FIG4: variants seen among roughly 807,000 people sequenced by gnomAD.
FIG4 encodes polyphosphoinositide phosphatase.
FIG4 carries 112 observed loss-of-function variants against 118.6 expected under a neutral mutation model. That is an observed-to-expected ratio of 0.94 (90% CI 0.81 to 1.11). FIG4 has a LOEUF of 1.11. FIG4 is among the 50% of genes least tolerant of loss of function. The pLI, the probability that FIG4 is intolerant of heterozygous loss-of-function variation, is 0.00. For synonymous variants in FIG4, 369 were observed against 381.2 expected (o/e 0.97, Z 0.37); for missense variants, 969 against 1,111.7 (o/e 0.87, Z 1.83).
chr6:109,773,199 G>T (rs911060114), intron 15 of FIG4, among the ~76,000 whole-genome samples: 1 of 152,090 alleles, frequency 6.6e-6, no homozygotes, highest in Non-Finnish European at 1.5e-5. Context: ...GCCTCTAAAG[G>T]ATTAATGTGA....
At chr6:109,757,899 A>G (rs1051853003) in intron 10 of FIG4, among the ~76,000 whole-genome samples, 3 of 152,180 alleles carry the variant, frequency 2.0e-5, no homozygotes, top group African/African-American at 4.8e-5. Flanking sequence ...AATACAACTT[A>G]AAAGGGATAT....
At chr6:109,724,116 G>T (rs563387936) in intron 3 of FIG4, among the ~76,000 whole-genome samples, 2 of 152,012 alleles carry the variant, frequency 1.3e-5, no homozygotes, top group East Asian at 3.9e-4. Context: ...AAGGCGGGGG[G>T]TGGGAGGAGG....
intron 1 of FIG4, among the ~76,000 whole-genome samples, chr6:109,701,121 G>A (rs1245833675): frequency 6.6e-6 from 1 of 152,218 alleles, no homozygotes; most frequent in Non-Finnish European, 1.5e-5. Flanking sequence ...TGTGTATAGA[G>A]GTGGATTTTG....
chr6:109,747,739 G>A (rs1776548443), intron 10 of FIG4, among the ~76,000 whole-genome samples: 1 of 152,172 alleles, frequency 6.6e-6, no homozygotes, highest in South Asian at 2.1e-4. Flanking sequence ...GTGATTTCAT[G>A]TACTTAAGAA....
chr6:109,760,188 T>A (rs1368295573), intron 10 of FIG4, 62 bp from the exon 11 acceptor site: 5 of 1,438,116 alleles, frequency 3.5e-6, no homozygotes, highest in Non-Finnish European at 4.9e-6. Context: ...AGTAAACATG[T>A]TGAGCCTGTT....
chr6:109,707,395 A>T (rs184955568), intron 1 of FIG4, among the ~76,000 whole-genome samples: 11 of 148,370 alleles, frequency 7.4e-5, no homozygotes, highest in African/African-American at 2.5e-4. Flanking sequence ...ACACATATGT[A>T]TACATACATA....
intron 5 of FIG4, among the ~76,000 whole-genome samples, chr6:109,733,676 G>C (rs1023638345): frequency 2.0e-5 from 3 of 151,922 alleles, no homozygotes; most frequent in Admixed American, 6.6e-5. Flanking sequence ...TGGAGTGAAG[G>C]GCTCCTAAAG....
At chr6:109,726,509 A>T (rs1775821715) in intron 3 of FIG4, among the ~76,000 whole-genome samples, 1 of 151,944 alleles carries the variant, frequency 6.6e-6, no homozygotes, top group African/African-American at 2.4e-5. Context: ...GTAGCCTTGT[A>T]GTATGGTTTG....
At chr6:109,731,401 G>A (rs1385160206) in intron 4 of FIG4, among the ~76,000 whole-genome samples, 2 of 152,180 alleles carry the variant, frequency 1.3e-5, no homozygotes, top group Non-Finnish European at 2.9e-5. Flanking sequence ...GCTCTTGGCA[G>A]CATTGTATCT....
intron 4 of FIG4, among the ~76,000 whole-genome samples, chr6:109,728,013 C>G (rs1350539925): frequency 2.0e-5 from 3 of 152,130 alleles, no homozygotes; most frequent in Non-Finnish European, 4.4e-5. Context: ...ACACAAAGAT[C>G]TAAAGGGCTT....
chr6:109,691,833 GTT>G (rs1156662425), intron 1 of FIG4, among the ~76,000 whole-genome samples: 1 of 152,192 alleles, frequency 6.6e-6, no homozygotes, highest in Non-Finnish European at 1.5e-5. Flanking sequence ...CAGAAAGTCT[GTT>G]AAAGTTCTAG....
At chr6:109,767,809 T>G (rs1370223957) in intron 15 of FIG4, among the ~76,000 whole-genome samples, 1 of 151,978 alleles carries the variant, frequency 6.6e-6, no homozygotes, top group Non-Finnish European at 1.5e-5. Context: ...GAGGCAGAGC[T>G]TGCAGCGAGC....
intron 5 of FIG4, 151 bp downstream of exon 5, chr6:109,732,838 C>A: frequency 1.8e-6 from 1 of 562,714 alleles, no homozygotes; most frequent in Non-Finnish European, 3.1e-6. Flanking sequence ...GCTATTTCTT[C>A]CTTTTAAAAA....
At chr6:109,770,951 TA>T (rs1400128813) in intron 15 of FIG4, among the ~76,000 whole-genome samples, 1 of 152,180 alleles carries the variant, frequency 6.6e-6, no homozygotes, top group Non-Finnish European at 1.5e-5. Context: ...GATAGTACTC[TA>T]AAGGACTGCC....
At chr6:109,699,794 G>A (rs967291377) in intron 1 of FIG4, among the ~76,000 whole-genome samples, 2 of 152,130 alleles carry the variant, frequency 1.3e-5, no homozygotes, top group Admixed American at 6.5e-5. Flanking sequence ...GTGAGCCACC[G>A]TGCCTGGCCT....
At chr6:109,733,743 G>A (rs912285976) in intron 5 of FIG4, among the ~76,000 whole-genome samples, 2 of 151,638 alleles carry the variant, frequency 1.3e-5, no homozygotes, top group Non-Finnish European at 2.9e-5. Context: ...TGTATTTTTC[G>A]CCATCTTCTA....
At chr6:109,716,334 T>A (rs1775429436) in intron 2 of FIG4, 111 bp from the exon 3 acceptor site, 1 of 1,069,254 alleles carries the variant, frequency 9.4e-7, no homozygotes, top group Non-Finnish European at 1.4e-6. Flanking sequence ...TATATACTTC[T>A]GTATGAAATA....
chr6:109,726,065 T>C (rs1255559362), intron 3 of FIG4, among the ~76,000 whole-genome samples: 3 of 152,212 alleles, frequency 2.0e-5, no homozygotes, highest in Non-Finnish European at 4.4e-5. Flanking sequence ...TTCACTGTGA[T>C]GATAGTTTCT....
At chr6:109,786,804 A>C (rs191244246) in intron 18 of FIG4, among the ~76,000 whole-genome samples, 53 of 152,222 alleles carry the variant, frequency 3.5e-4, no homozygotes, top group Non-Finnish European at 7.2e-4. Context: ...CTAGGATGTG[A>C]ATCTTAGTTC....
Sources: allele counts gnomAD v4.1 joint callset (sites outside exome capture counted in the v4.1 genomes callset), GRCh38; gene constraint gnomAD v4.1.1; transcripts MANE v1.5; gene names NCBI Gene and HGNC (gene_info 2026-07-23, HGNC 2026-07-21).